The following ANK2 variants were observed in gnomAD, a reference collection of about 807,000 sequenced individuals.
ANK2 encodes ankyrin 2.
ANK2 carries 83 observed loss-of-function variants against 360.5 expected under a neutral mutation model. That is an observed-to-expected ratio of 0.23 (90% CI 0.19 to 0.28). The LOEUF (loss-of-function observed/expected upper bound fraction) is 0.28. Ranked by LOEUF, ANK2 falls within the 10% of genes least tolerant of loss-of-function variation. The pLI is 1.00. For synonymous variants in ANK2, 1,740 were observed against 1,759.5 expected (o/e 0.99, Z 0.28); for missense variants, 4,201 against 4,795.7 (o/e 0.88, Z 3.66).
intron 1 of ANK2, chr4:113,145,869 AT>A: frequency 7.8e-7 from 1 of 1,289,646 alleles, no homozygotes; most frequent in African/African-American, 1.5e-5. Flanking sequence ...TAGAGCTGAG[AT>A]GGGGAATGCA....
intron 4 of ANK2, among the ~76,000 whole-genome samples, chr4:113,225,405 A>G (rs961431155): frequency 6.6e-6 from 1 of 152,140 alleles, no homozygotes; most frequent in Non-Finnish European, 1.5e-5. Context: ...ATCTGGTGCT[A>G]TAAAGACTGT....
intron 1 of ANK2, among the ~76,000 whole-genome samples, chr4:112,882,645 G>C (rs115194212): frequency 0.011 from 1,733 of 151,842 alleles, 19 homozygotes; most frequent in Middle Eastern, 0.02. Context: ...TAGGCAAAAT[G>C]AATTATCCAA....
Position 113,373,131 on chromosome 4 carries a change from A to G in ANK2, c.11652A>G (p.Glu3884=), listed in dbSNP as rs752145926. The change falls in exon 44 of 46, where the codon GAA becomes GAG. Residue 3884 remains glutamate (E), a synonymous_variant. Transcript: ENST00000357077. ...AAATACCCCCAGAAACAGTCACAGA[A>G]GAAGAATACATTGATGAGCATGGAC... The part of the protein sequence containing the change: ...MPEIPPETVT[E]EEYIDEHGHT... The G allele has an allele frequency of 2.5e-5, 41 of 1,614,064 alleles. No homozygotes were observed. The highest frequency in any genetic ancestry group is 3.5e-5 in the Non-Finnish European group (41 of 1,180,010).
intron 1 of ANK2, among the ~76,000 whole-genome samples, chr4:113,173,188 T>C (rs2098055320): frequency 1.3e-5 from 2 of 152,242 alleles, no homozygotes; most frequent in Non-Finnish European, 2.9e-5. Flanking sequence ...AACTTAGTTC[T>C]ATGGTTTTCA....
At chr4:113,054,621 A>G (rs2068683592) in intron 1 of ANK2, among the ~76,000 whole-genome samples, 1 of 152,192 alleles carries the variant, frequency 6.6e-6, no homozygotes, top group Non-Finnish European at 1.5e-5. Context: ...TGTATAATTT[A>G]TTCTGAATAA....
rs1344355525 is a variant in ANK2 at position 113,369,397 on chromosome 4, AT to A, written c.11319-113del. The A allele has an allele frequency of 2.8e-6, 3 of 1,080,438 alleles. No individual in the cohort carries two copies. The East Asian group carries it at 7.1e-5, about 26-fold the overall frequency. The allele number at this position is 1,080,438 out of a possible 1,614,324, so 66.9% of individuals were successfully genotyped here. On this transcript the variant is annotated intron_variant, in intron 42 of 45. Coordinates refer to ENST00000357077, the MANE Select transcript of ANK2 (RefSeq NM_001148.6). ...TTTCTTGGCCAAATGTACAAAAACT[AT>A]TTTGACTGTCATAGACTATGGAAAA...
chr4:112,783,564 T>C, the ANK2 span, among the ~76,000 whole-genome samples: 2 of 152,122 alleles, frequency 1.3e-5, no homozygotes, highest in African/African-American at 4.8e-5. Context: ...TAGCATACTA[T>C]TGGCATTTTG....
intron 4 of ANK2, among the ~76,000 whole-genome samples, chr4:113,208,204 A>G (rs2098977104): frequency 6.6e-6 from 1 of 151,942 alleles, no homozygotes; most frequent in South Asian, 2.1e-4. Flanking sequence ...CAGCTTGGAG[A>G]ACAAGTCGAA....
At chr4:113,048,041 T>G (rs2065141699), upstream of ANK2, among the ~76,000 whole-genome samples, 1 of 151,826 alleles carries the variant, frequency 6.6e-6, no homozygotes, top group Non-Finnish European at 1.5e-5. Context: ...AGATTAGCAA[T>G]AGCAACACAT....
In ANK2 at chr4:112,821,817, A is replaced by G. The variant is rs890746845; in HGVS notation, c.-40+3553A>G. ...AGGGTCTGTCTGTCACCCAGGCTGGAGTACATTCGTGCAATCTTGGCTTAA... is the reference window on the plus strand; with the variant it reads ...AGGGTCTGTCTGTCACCCAGGCTGGGGTACATTCGTGCAATCTTGGCTTAA... On this transcript the variant is annotated intron_variant, in intron 1 of 30. Coordinates refer to the ANK2 transcript ENST00000503271. Among the ~76,000 whole-genome samples, 5 of 148,846 alleles carry G rather than the reference A, an allele frequency of 3.4e-5. No homozygotes were observed. In the Admixed American group the frequency reaches 3.4e-4, roughly 10 times the overall value.
At chr4:113,099,348 T>C (rs541792614) in intron 1 of ANK2, among the ~76,000 whole-genome samples, 1 of 152,064 alleles carries the variant, frequency 6.6e-6, no homozygotes, top group Admixed American at 6.5e-5. Context: ...AGTCAGCTGA[T>C]TTCCTATATA....
chr4:113,381,050 A>G (rs1463530987), intron 45 of ANK2, among the ~76,000 whole-genome samples: 1 of 152,244 alleles, frequency 6.6e-6, no homozygotes, highest in Non-Finnish European at 1.5e-5. Context: ...AAATTAAAAA[A>G]AGGTTTTTTT....
At chr4:112,998,110 A>G (rs55985474) in intron 2 of ANK2, among the ~76,000 whole-genome samples, 111 of 152,142 alleles carry the variant, frequency 7.3e-4, no homozygotes, top group African/African-American at 2.5e-3. Flanking sequence ...ATTAGTTAAG[A>G]CTGATGTTAA....
chr4:113,042,472 C>T (rs1056107145), intron 2 of ANK2, among the ~76,000 whole-genome samples: 4 of 152,166 alleles, frequency 2.6e-5, no homozygotes, highest in African/African-American at 9.7e-5. Flanking sequence ...CTCTAGAGAA[C>T]TCTGACTAAT....
rs71582152 is a variant in ANK2 at position 112,875,483 on chromosome 4, C to CATTTATTTATTTATTT, written c.-39-28955_-39-28940dup. ...ATGTGCCACCATGACAGGCTAATTACATTTATTTATTTATTTATTTATTTA... is the reference window on the plus strand; with the variant it reads ...ATGTGCCACCATGACAGGCTAATTACATTTATTTATTTATTTATTTATTTATTTATTTATTTATTTA... On this transcript the variant is annotated intron_variant, in intron 1 of 30. Transcript: ENST00000503271. Among the ~76,000 whole-genome samples, 845 of 148,684 alleles carry CATTTATTTATTTATTT rather than the reference C, an allele frequency of 5.7e-3. 7 individuals are homozygous for CATTTATTTATTTATTT. The highest frequency in any genetic ancestry group is 8.5e-3 in the East Asian group (43 of 5,064).
intron 17 of ANK2, among the ~76,000 whole-genome samples, chr4:113,280,784 G>T (rs929127522): frequency 1.4e-4 from 21 of 152,274 alleles, no homozygotes; most frequent in African/African-American, 5.1e-4. Flanking sequence ...TGCCAGAATT[G>T]ACACCTTCTT....
chr4:113,071,039 A>G (rs908262184), intron 1 of ANK2, among the ~76,000 whole-genome samples: 1 of 152,200 alleles, frequency 6.6e-6, no homozygotes, highest in East Asian at 1.9e-4. Flanking sequence ...TTTACTTAGA[A>G]CAAAGTAACA....
chr4:113,027,094 A>G lies in ANK2; in HGVS notation c.21+122580A>G, dbSNP rs368243729. Among the ~76,000 whole-genome samples the G allele has an allele frequency of 6.6e-5, 10 of 152,204 alleles. No individual in the cohort carries two copies. In the South Asian group the frequency reaches 2.1e-3, roughly 32 times the overall value. Reference sequence around the variant, plus strand: ...AATACCTGTGCATGCTTGAAGTTGGATGGTGATACATCCTCTTCATTGTCC... The same window carrying G: ...AATACCTGTGCATGCTTGAAGTTGGGTGGTGATACATCCTCTTCATTGTCC... On this transcript the variant is annotated intron_variant, in intron 2 of 30. Transcript: ENST00000503271.
chr4:113,182,950 A>G (rs956655825), intron 2 of ANK2, among the ~76,000 whole-genome samples: 6 of 151,774 alleles, frequency 4.0e-5, no homozygotes. Flanking sequence ...GGGAAGGAAA[A>G]ATAAATAATT....
Sources: allele counts gnomAD v4.1 joint callset (sites outside exome capture counted in the v4.1 genomes callset), GRCh38; gene constraint gnomAD v4.1.1; transcripts MANE v1.5; gene names NCBI Gene and HGNC (gene_info 2026-07-23, HGNC 2026-07-21).